Variants in ASPH observed in about 807,000 individuals in gnomAD.
ASPH encodes aspartate beta-hydroxylase.
ASPH carries 100 observed loss-of-function variants against 118.4 expected under a neutral mutation model. That is an observed-to-expected ratio of 0.84 (90% CI 0.72 to 1.00). The LOEUF (loss-of-function observed/expected upper bound fraction) is 1.00, where lower values mean the gene tolerates loss of function less well. ASPH is among the 50% of genes least tolerant of loss of function. The pLI, the probability that ASPH is intolerant of heterozygous loss-of-function variation, is 0.00. For missense variants in ASPH, 920 were observed against 919.5 expected, an observed-to-expected ratio of 1.00 and a Z score of -0.01; for synonymous variants, 315 against 325.6, an observed-to-expected ratio of 0.97 and a Z score of 0.35.
chr8:61,632,731 T>A (rs1280368516), intron 13 of ASPH: 1 of 371,080 alleles, frequency 2.7e-6, no homozygotes, highest in Non-Finnish European at 5.3e-6. Context: ...GCATCCCACA[T>A]ATAACTAAAT....
At chr8:61,543,798 C>T (rs1052098856) in intron 21 of ASPH, among the ~76,000 whole-genome samples, 5 of 152,114 alleles carry the variant, frequency 3.3e-5, no homozygotes, top group African/African-American at 1.2e-4. Flanking sequence ...TTTTTGTTAT[C>T]GTTGTCACTA....
intron 6 of ASPH, among the ~76,000 whole-genome samples, chr8:61,644,952 A>G (rs1259474101): frequency 6.6e-6 from 1 of 152,072 alleles, no homozygotes; most frequent in Non-Finnish European, 1.5e-5. Context: ...TTCACAACCC[A>G]CTAGAATGTG....
At chr8:61,585,583 C>G (rs979002752) in intron 14 of ASPH, among the ~76,000 whole-genome samples, 1 of 103,708 alleles carries the variant, frequency 9.6e-6, no homozygotes, top group Non-Finnish European at 2.7e-5. Flanking sequence ...CTCGTGTGCC[C>G]CCTGGTGGGA....
chr8:61,602,706 C>T (rs1413712178), intron 14 of ASPH, among the ~76,000 whole-genome samples: 1 of 151,134 alleles, frequency 6.6e-6, no homozygotes, highest in Non-Finnish European at 1.5e-5. Context: ...AGTCACAGAG[C>T]AGCACCAGGA....
chr8:61,605,863 T>A (rs1489165310), intron 14 of ASPH, among the ~76,000 whole-genome samples: 2 of 152,216 alleles, frequency 1.3e-5, no homozygotes, highest in Non-Finnish European at 1.5e-5. Context: ...AAGGCAATTT[T>A]AAAATATTCC....
At chr8:61,666,830 G>A (rs1351499443) in intron 3 of ASPH, among the ~76,000 whole-genome samples, 1 of 152,148 alleles carries the variant, frequency 6.6e-6, no homozygotes, top group African/African-American at 2.4e-5. Flanking sequence ...CGTTTGGACA[G>A]TAACATAGAT....
chr8:61,575,366 C>A (rs1055233882), intron 16 of ASPH, among the ~76,000 whole-genome samples: 1 of 152,150 alleles, frequency 6.6e-6, no homozygotes, highest in African/African-American at 2.4e-5. Flanking sequence ...CCTTTCCCTG[C>A]CACCTTTCAT....
intron 13 of ASPH, chr8:61,625,231 A>G: frequency 1.0e-6 from 1 of 985,796 alleles, no homozygotes; most frequent in Non-Finnish European, 1.2e-6. Flanking sequence ...CACATTAAAT[A>G]AGAAGAAAAT....
At chr8:61,606,038 C>T (rs991491526) in intron 14 of ASPH, among the ~76,000 whole-genome samples, 6 of 152,074 alleles carry the variant, frequency 3.9e-5, no homozygotes, top group African/African-American at 9.7e-5. Context: ...CAATTAATGG[C>T]GCAACAACAC....
intron 3 of ASPH, chr8:61,675,633 T>C: frequency 3.1e-6 from 3 of 980,076 alleles, no homozygotes; most frequent in South Asian, 4.7e-5. Flanking sequence ...CAGAGAAGCA[T>C]TTAACTTAAA....
chr8:61,539,696 T>TGGGG (rs200259809), intron 21 of ASPH, among the ~76,000 whole-genome samples: 1 of 33,336 alleles, frequency 3.0e-5, no homozygotes, highest in African/African-American at 7.0e-5. Flanking sequence ...CTAACACTTC[T>TGGGG]GGGGTGTGTG....
At chr8:61,647,964 A>G (rs1277539153) in intron 5 of ASPH, among the ~76,000 whole-genome samples, 3 of 152,158 alleles carry the variant, frequency 2.0e-5, no homozygotes, top group East Asian at 3.9e-4. Flanking sequence ...TCTCCTGTGT[A>G]TAATACTCTA....
chr8:61,699,157 C>G (rs974131895), intron 1 of ASPH, among the ~76,000 whole-genome samples: 16 of 152,224 alleles, frequency 1.1e-4, no homozygotes, highest in African/African-American at 3.9e-4. Flanking sequence ...GAGAACTATT[C>G]CTTCAGACTG....
At chr8:61,712,280 C>T (rs1838233427) in intron 1 of ASPH, among the ~76,000 whole-genome samples, 1 of 152,094 alleles carries the variant, frequency 6.6e-6, no homozygotes, top group Non-Finnish European at 1.5e-5. Flanking sequence ...AAAGAAAAGC[C>T]GGCTTTATCT....
intron 3 of ASPH, 172 bp downstream of exon 3, chr8:61,680,795 GA>G (rs1488737296): frequency 4.4e-6 from 2 of 456,864 alleles, no homozygotes; most frequent in Non-Finnish European, 7.7e-6. Flanking sequence ...AAATTGACAT[GA>G]AAGAGTGTGG....
rs778329210 is a variant in ASPH at position 61,653,663 on chromosome 8, G to A, written c.323-3C>T. 4.3e-6 allele frequency: 7 copies of A among 1,612,300 alleles called. No homozygotes were observed. In the East Asian group the frequency reaches 1.3e-4, roughly 31 times the overall value. ...TGAAGTAGATCTCTCTTTAAGTCCT[G>A]CATTTTTTTATTCACAAAGTTAACT... On this transcript the variant is annotated splice_polypyrimidine_tract_variant and splice_region_variant and intron_variant, in intron 3 of 24. Coordinates refer to ENST00000379454, the MANE Select transcript of ASPH (RefSeq NM_004318.4).
intron 1 of ASPH, among the ~76,000 whole-genome samples, chr8:61,707,165 T>C (rs978901951): frequency 6.6e-6 from 1 of 151,264 alleles, no homozygotes. Flanking sequence ...ACGTATACCA[T>C]AAAAAATGAA....
intron 18 of ASPH, among the ~76,000 whole-genome samples, chr8:61,558,588 C>T (rs1828711196): frequency 6.6e-6 from 1 of 152,150 alleles, no homozygotes; most frequent in South Asian, 2.1e-4. Context: ...CGGTGGACAG[C>T]CATGTGTCCC....
At chr8:61,651,340 T>C in intron 4 of ASPH, 1 of 384,798 alleles carries the variant, frequency 2.6e-6, no homozygotes, top group Non-Finnish European at 4.6e-6. Context: ...GACTTAAGCA[T>C]TAAAATACTT....
Sources: gnomAD v4.1 joint callset for allele counts (sites outside exome capture counted in the v4.1 genomes callset) on GRCh38, gnomAD v4.1.1 for gene constraint, MANE v1.5 for transcripts, NCBI Gene and HGNC (gene_info 2026-07-23, HGNC 2026-07-21) for gene names.